SLC35F1: variants seen among roughly 807,000 people sequenced by gnomAD.
SLC35F1 encodes the protein chromosome 6 open reading frame 169.
In SLC35F1, 14 loss-of-function variants were observed where a neutral mutation model predicts 48.7. That is an observed-to-expected ratio of 0.29 (90% confidence interval 0.19 to 0.45). The LOEUF (loss-of-function observed/expected upper bound fraction) is 0.45. Ranked by LOEUF, SLC35F1 falls within the 20% of genes least tolerant of loss-of-function variation. SLC35F1 has a pLI of 1.00. For missense variants in SLC35F1, 404 were observed against 500.0 expected (o/e 0.81, Z 1.83); for synonymous variants, 190 against 202.2 (o/e 0.94, Z 0.51).
intron 1 of SLC35F1, among the ~76,000 whole-genome samples, chr6:118,084,448 C>A (rs1324322527): frequency 6.6e-6 from 1 of 152,082 alleles, no homozygotes; most frequent in Non-Finnish European, 1.5e-5. Context: ...CAAGGCTGTT[C>A]TCTGAACTTT....
intron 7 of SLC35F1, among the ~76,000 whole-genome samples, chr6:118,293,836 G>A (rs939303922): frequency 1.3e-5 from 2 of 152,224 alleles, no homozygotes; most frequent in Admixed American, 6.5e-5. Context: ...TGTGGAGAGA[G>A]AATAAATTGG....
intron 1 of SLC35F1, among the ~76,000 whole-genome samples, chr6:118,117,212 T>C: frequency 6.6e-6 from 1 of 152,184 alleles, no homozygotes; most frequent in Non-Finnish European, 1.5e-5. Context: ...CCTATTTGCA[T>C]ATATTGGATT....
chr6:118,131,837 A>G (rs1773718029), intron 1 of SLC35F1, among the ~76,000 whole-genome samples: 1 of 151,930 alleles, frequency 6.6e-6, no homozygotes, highest in South Asian at 2.1e-4. Flanking sequence ...ATATTAATAT[A>G]AGTAATATAT....
chr6:118,101,274 G>C (rs370855143), intron 1 of SLC35F1, among the ~76,000 whole-genome samples: 1 of 152,136 alleles, frequency 6.6e-6, no homozygotes, highest in Admixed American at 6.6e-5. Context: ...GGTGAAAACC[G>C]CCCTAAAGTA....
At chr6:118,008,178 C>G (rs1777199277) in intron 1 of SLC35F1, among the ~76,000 whole-genome samples, 1 of 151,926 alleles carries the variant, frequency 6.6e-6, no homozygotes, top group South Asian at 2.1e-4. Context: ...GATTTGATCA[C>G]TAGACATTGT....
At chr6:118,067,698 A>G (rs1313019560) in intron 1 of SLC35F1, among the ~76,000 whole-genome samples, 1 of 152,204 alleles carries the variant, frequency 6.6e-6, no homozygotes, top group Non-Finnish European at 1.5e-5. Context: ...GGTGCAATTA[A>G]TGGTGGGGGT....
At chr6:118,016,047 T>G (rs1172536279) in intron 1 of SLC35F1, among the ~76,000 whole-genome samples, 4 of 152,328 alleles carry the variant, frequency 2.6e-5, no homozygotes, top group Non-Finnish European at 4.4e-5. Context: ...CTCTATCAAA[T>G]TTGAATGATC....
intron 1 of SLC35F1, among the ~76,000 whole-genome samples, chr6:117,912,483 T>C (rs773141483): frequency 6.6e-5 from 10 of 152,162 alleles, no homozygotes; most frequent in Non-Finnish European, 1.3e-4. Context: ...TGGAAACATA[T>C]AATTTAGATG....
At chr6:117,944,384 C>T (rs1776268417) in intron 1 of SLC35F1, among the ~76,000 whole-genome samples, 1 of 151,926 alleles carries the variant, frequency 6.6e-6, no homozygotes, top group South Asian at 2.1e-4. Context: ...CACTTTGTTG[C>T]CAAACATAGT....
At chr6:118,119,502 T>TCC (rs1183589970) in intron 1 of SLC35F1, among the ~76,000 whole-genome samples, 23 of 88,144 alleles carry the variant, frequency 2.6e-4, no homozygotes, top group Non-Finnish European at 3.2e-4. Flanking sequence ...GCGCCCCCCC[T>TCC]CCACCCCGCT....
At chr6:118,197,005 A>T (rs1774811068) in intron 2 of SLC35F1, among the ~76,000 whole-genome samples, 1 of 151,402 alleles carries the variant, frequency 6.6e-6, no homozygotes, top group African/African-American at 2.4e-5. Context: ...TGACCATTTT[A>T]GATACTCTTG....
chr6:118,285,970 C>G (rs749696187), intron 7 of SLC35F1, among the ~76,000 whole-genome samples: 23 of 152,196 alleles, frequency 1.5e-4, no homozygotes, highest in Admixed American at 1.2e-3. Flanking sequence ...GCATCTTTGC[C>G]CTAGGGAGGC....
chr6:118,223,479 C>G (rs1775177699), intron 2 of SLC35F1, among the ~76,000 whole-genome samples: 1 of 152,182 alleles, frequency 6.6e-6, no homozygotes, highest in South Asian at 2.1e-4. Context: ...GTGGCAGAGT[C>G]AGTACTTTAA....
intron 2 of SLC35F1, among the ~76,000 whole-genome samples, chr6:118,187,350 C>G (rs1400231807): frequency 6.6e-6 from 1 of 152,174 alleles, no homozygotes; most frequent in Non-Finnish European, 1.5e-5. Flanking sequence ...GCCAAGCCCC[C>G]TTCCCTCAGA....
chr6:118,001,153 G>C (rs2114867368), intron 1 of SLC35F1, among the ~76,000 whole-genome samples: 1 of 152,256 alleles, frequency 6.6e-6, no homozygotes. Context: ...TCAATCCTAA[G>C]CCAAAAGAAC....
At chr6:118,132,916 G>T (rs1773736100) in intron 1 of SLC35F1, among the ~76,000 whole-genome samples, 1 of 152,118 alleles carries the variant, frequency 6.6e-6, no homozygotes, top group Admixed American at 6.5e-5. Context: ...GACTTTTTTA[G>T]TGGTCAAGAC....
At chr6:118,050,295 A>G (rs375963601) in intron 1 of SLC35F1, among the ~76,000 whole-genome samples, 2,199 of 151,932 alleles carry the variant, frequency 0.014, 61 homozygotes, top group African/African-American at 0.05. Context: ...CAGCACACCA[A>G]CATGGCACAT....
intron 1 of SLC35F1, among the ~76,000 whole-genome samples, chr6:117,988,584 A>G (rs926962731): frequency 4.6e-5 from 7 of 152,128 alleles, no homozygotes; most frequent in African/African-American, 1.7e-4. Flanking sequence ...TGTTTCAATG[A>G]TATTATTTGA....
intron 3 of SLC35F1, among the ~76,000 whole-genome samples, chr6:118,256,166 A>G (rs1434006680): frequency 2.0e-5 from 3 of 148,184 alleles, no homozygotes; most frequent in Non-Finnish European, 1.5e-5. Flanking sequence ...AATATTTTCT[A>G]CTCTCTTCAG....
Sources: gnomAD v4.1 joint callset for allele counts (sites outside exome capture counted in the v4.1 genomes callset) on GRCh38, gnomAD v4.1.1 for gene constraint, MANE v1.5 for transcripts, NCBI Gene and HGNC (gene_info 2026-07-23, HGNC 2026-07-21) for gene names.